Variants in IGSF21 observed in about 807,000 individuals in gnomAD.
The protein encoded by IGSF21 is immunoglobin superfamily member 21, also known as immunoglobulin superfamily member 21.
A neutral mutation model predicts 46.8 loss-of-function variants in IGSF21; 28 were observed. The ratio of observed to expected loss-of-function variants is 0.60; its 90% CI spans 0.44 to 0.82. The LOEUF (loss-of-function observed/expected upper bound fraction) is 0.82, where lower values mean the gene tolerates loss of function less well. Ranked by LOEUF, IGSF21 falls within the 40% of genes least tolerant of loss-of-function variation. The pLI is 0.00. For synonymous variants in IGSF21, 284 were observed against 273.6 expected (o/e 1.04, Z -0.38); for missense variants, 624 against 665.5 (o/e 0.94, Z 0.69).
chr1:18,248,177 T>A (rs559495843), intron 2 of IGSF21, among the ~76,000 whole-genome samples: 2 of 152,364 alleles, frequency 1.3e-5, no homozygotes, highest in South Asian at 4.1e-4. Context: ...TCCCCTAAGC[T>A]GAGCTTCTGC....
rs1246084091 is a variant in IGSF21, at chr1:18,376,251, C to T, written c.1016-59C>T. 12 of 1,173,686 alleles carry T rather than the reference C, an allele frequency of 1.0e-5. No homozygotes were observed. The Admixed American group carries it at 1.9e-4, about 18-fold the overall frequency. The allele number at this position is 1,173,686 out of a possible 1,614,324, so 72.7% of individuals were successfully genotyped here. ...GATTGCTAGACTAGAACTTTCTCTT[C>T]CATGTACCCTGTCCCTCCTTTCCTT... On this transcript the variant is annotated intron_variant, in intron 6 of 9. Transcript: ENST00000251296.
At chr1:18,226,582 G>A (rs1376220380) in intron 1 of IGSF21, among the ~76,000 whole-genome samples, 1 of 152,188 alleles carries the variant, frequency 6.6e-6, no homozygotes, top group Non-Finnish European at 1.5e-5. Flanking sequence ...CCTGGAGGCT[G>A]GGTCCTGAAG....
At chr1:18,206,616 T>C (rs1380395259) in intron 1 of IGSF21, among the ~76,000 whole-genome samples, 2 of 150,234 alleles carry the variant, frequency 1.3e-5, no homozygotes, top group African/African-American at 4.9e-5. Flanking sequence ...GGTGTGGGAA[T>C]GAGCTTGGGA....
rs962890221 is a variant in IGSF21, at chr1:18,261,047, C to T, written c.184-30819C>T. On this transcript the variant is annotated intron_variant, in intron 2 of 9. Transcript: ENST00000251296. ...GGAGACATTCTAATCAGTCCTATCT[C>T]TTGTATTTTGATTCAAATGGAGCCT... Among the ~76,000 whole-genome samples, 5 of 152,204 alleles carry T rather than the reference C, an allele frequency of 3.3e-5. No individual in the cohort carries two copies. The East Asian group carries it at 9.6e-4, about 29-fold the overall frequency.
chr1:18,227,878 C>A lies in IGSF21; in HGVS notation c.71-20C>A. On this transcript the variant is annotated intron_variant, in intron 1 of 9. Transcript: ENST00000251296. ...TGATCTGCTCGTGCCCTTACCACCC[C>A]TTTCTCCTCTCTTCTGTAGGCTACC... 6.3e-7 allele frequency: 1 copy of A among 1,598,522 alleles called. No homozygotes were observed. Among genetic ancestry groups the A allele is most frequent in the Non-Finnish European group, 8.6e-7 (1 of 1,165,976 alleles).
At chr1:18,110,170 A>C (rs149982780) in intron 1 of IGSF21, 1 of 152,384 alleles carries the variant, frequency 6.6e-6, no homozygotes, top group East Asian at 1.9e-4. Context: ...GCGGCCTCGG[A>C]GCTCCGCTGC....
intron 4 of IGSF21, among the ~76,000 whole-genome samples, chr1:18,340,014 A>G (rs1047049343): frequency 1.3e-5 from 2 of 152,214 alleles, no homozygotes; most frequent in African/African-American, 2.4e-5. Flanking sequence ...TCTAGTATTG[A>G]GTTTCCTTTC....
At chr1:18,222,724 G>A (rs1255179658) in intron 1 of IGSF21, among the ~76,000 whole-genome samples, 1 of 152,014 alleles carries the variant, frequency 6.6e-6, no homozygotes, top group Non-Finnish European at 1.5e-5. Flanking sequence ...GGAAGGATGG[G>A]GAGGAGATTT....
intron 3 of IGSF21, among the ~76,000 whole-genome samples, chr1:18,292,572 C>T (rs1275066913): frequency 6.6e-6 from 1 of 152,184 alleles, no homozygotes; most frequent in Non-Finnish European, 1.5e-5. Flanking sequence ...CAAGCTGACT[C>T]GATCTTCCAG....
At chr1:18,239,042 A>G (rs1210887331) in intron 2 of IGSF21, among the ~76,000 whole-genome samples, 1 of 148,564 alleles carries the variant, frequency 6.7e-6, no homozygotes, top group Non-Finnish European at 1.5e-5. Flanking sequence ...GGCTTGAACA[A>G]TGCTTTCTCA....
intron 1 of IGSF21, among the ~76,000 whole-genome samples, chr1:18,140,098 C>A (rs1007843010): frequency 6.6e-6 from 1 of 152,188 alleles, no homozygotes; most frequent in Admixed American, 6.5e-5. Context: ...GTGTGCACCA[C>A]CGTGCCTGGC....
chr1:18,330,325 G>C (rs548812884), intron 3 of IGSF21, among the ~76,000 whole-genome samples: 1 of 152,242 alleles, frequency 6.6e-6, no homozygotes, highest in African/African-American at 2.4e-5. Flanking sequence ...GGTTGGAAGT[G>C]GGGGGATCCT....
At chr1:18,226,632 A>G (rs2084569711) in intron 1 of IGSF21, among the ~76,000 whole-genome samples, 1 of 152,130 alleles carries the variant, frequency 6.6e-6, no homozygotes, top group Non-Finnish European at 1.5e-5. Flanking sequence ...CAACTTCCAA[A>G]TTGATCCTCT....
rs550850321 is a variant in IGSF21, at chr1:18,152,889, C to T, written c.70+44691C>T. ...TCTGAACAGCTTAGCCTCTCTGAACCTCTGTTTCCTTGGAATAGGAATATC... is the reference window on the plus strand; with the variant it reads ...TCTGAACAGCTTAGCCTCTCTGAACTTCTGTTTCCTTGGAATAGGAATATC... On this transcript the variant is annotated intron_variant, in intron 1 of 9. Coordinates refer to ENST00000251296, the MANE Select transcript of IGSF21 (RefSeq NM_032880.5). Among the ~76,000 whole-genome samples the T allele has an allele frequency of 2.0e-5, 3 of 152,298 alleles. No homozygotes were observed. The South Asian group carries it at 6.2e-4, about 32-fold the overall frequency.
At position 18,365,348 on chromosome 1, in the gene IGSF21, C is replaced by T. The variant is rs1407782210; in HGVS notation, c.666C>T (p.Asp222=). 3.7e-6 allele frequency: 6 copies of T among 1,614,128 alleles called. No individual in the cohort carries two copies. The South Asian group carries it at 6.6e-5, about 18-fold the overall frequency. ...GCCTTCTGCACCGTGACCTGGATGACACCAAGATGCAGAAGTCACTGTCCC... is the reference window on the plus strand; with the variant it reads ...GCCTTCTGCACCGTGACCTGGATGATACCAAGATGCAGAAGTCACTGTCCC... ...FRSLLHRDLD[D]TKMQKSLSLL... is the part of the protein sequence containing the mutation. The change falls in exon 6 of 10, where the codon GAC becomes GAT. Residue 222 remains aspartate, a synonymous_variant. Coordinates refer to ENST00000251296, the MANE Select transcript of IGSF21 (RefSeq NM_032880.5). This position sits in a 1 kb window ranked among gnomAD's most constrained non-coding sequence, Gnocchi z 4.8.
chr1:18,251,076 A>G (rs2084836925), intron 2 of IGSF21, among the ~76,000 whole-genome samples: 1 of 152,102 alleles, frequency 6.6e-6, no homozygotes, highest in Non-Finnish European at 1.5e-5. Flanking sequence ...GTATCTATGG[A>G]TGGGATGAGC....
At chr1:18,186,009 G>A (rs144130802) in intron 1 of IGSF21, among the ~76,000 whole-genome samples, 166 of 152,254 alleles carry the variant, frequency 1.1e-3, no homozygotes, top group Non-Finnish European at 1.9e-3. Context: ...ATGCCAAAGC[G>A]TTATGCATTT....
intron 2 of IGSF21, among the ~76,000 whole-genome samples, chr1:18,243,025 T>C (rs2084748533): frequency 6.6e-6 from 1 of 151,944 alleles, no homozygotes; most frequent in Non-Finnish European, 1.5e-5. Flanking sequence ...AGGCGCTCAG[T>C]GAAGGGTCAG....
chr1:18,354,437 G>A (rs1344113808), intron 4 of IGSF21, among the ~76,000 whole-genome samples: 2 of 152,156 alleles, frequency 1.3e-5, no homozygotes, highest in African/African-American at 2.4e-5. Context: ...ATTAAAGTAG[G>A]GAATATGGAG....
Sources: gnomAD v4.1 joint callset for allele counts (sites outside exome capture counted in the v4.1 genomes callset) on GRCh38, gnomAD v4.1.1 for gene constraint, Gnocchi (gnomAD v3.1) non-coding constraint, MANE v1.5 for transcripts, NCBI Gene and HGNC (gene_info 2026-07-23, HGNC 2026-07-21) for gene names.